STK32B: variants seen among roughly 807,000 people sequenced by gnomAD.
STK32B encodes the protein serine/threonine-protein kinase 32B.
STK32B carries 43 observed loss-of-function variants against 52.6 expected under a neutral mutation model. The observed-to-expected ratio is 0.82, with a 90% confidence interval of 0.64 to 1.05. The LOEUF is 1.05. Ranked by LOEUF, STK32B falls within the 50% of genes least tolerant of loss-of-function variation. STK32B has a pLI of 0.00. For missense variants in STK32B, 621 were observed against 534.6 expected, an observed-to-expected ratio of 1.16 and a Z score of -1.59; for synonymous variants, 238 against 204.3, an observed-to-expected ratio of 1.17 and a Z score of -1.41.
intron 4 of STK32B, among the ~76,000 whole-genome samples, chr4:5,359,534 C>A (rs1375634884): frequency 6.6e-6 from 1 of 152,140 alleles, no homozygotes; most frequent in Non-Finnish European, 1.5e-5. Context: ...TGGAGGGAGG[C>A]AAACAACAAA....
intron 2 of STK32B, among the ~76,000 whole-genome samples, chr4:5,154,074 C>T (rs1234266817): frequency 6.6e-6 from 1 of 151,792 alleles, no homozygotes; most frequent in Non-Finnish European, 1.5e-5. Context: ...GGTATATTAC[C>T]CAATATCAAG....
chr4:5,019,551 G>A, the STK32B span: 1 of 1,253,876 alleles, frequency 8.0e-7, no homozygotes, highest in Non-Finnish European at 1.0e-6. Flanking sequence ...CGCAGGCTGC[G>A]GTCCATCCAG....
intron 4 of STK32B, among the ~76,000 whole-genome samples, chr4:5,336,893 A>G (rs1314615611): frequency 6.6e-6 from 1 of 152,206 alleles, no homozygotes; most frequent in African/African-American, 2.4e-5. Flanking sequence ...TACCAAAACA[A>G]ATGTCAGATC....
intron 3 of STK32B, among the ~76,000 whole-genome samples, chr4:5,232,381 A>G (rs1349322097): frequency 6.6e-6 from 1 of 152,258 alleles, no homozygotes; most frequent in Admixed American, 6.5e-5. Context: ...TAATGAAAAT[A>G]TCTGCACTTT....
At chr4:5,295,013 C>T (rs947609201) in intron 3 of STK32B, among the ~76,000 whole-genome samples, 3 of 152,094 alleles carry the variant, frequency 2.0e-5, no homozygotes, top group African/African-American at 7.2e-5. Context: ...AAGGCCTTTT[C>T]TGCATCTATT....
chr4:5,327,632 C>G (rs1731964577), intron 3 of STK32B, among the ~76,000 whole-genome samples: 1 of 151,894 alleles, frequency 6.6e-6, no homozygotes, highest in African/African-American at 2.4e-5. Flanking sequence ...AACTGGTGTG[C>G]TGTCATCTGG....
intron 2 of STK32B, among the ~76,000 whole-genome samples, chr4:5,149,314 A>G (rs915835260): frequency 1.3e-5 from 2 of 151,738 alleles, no homozygotes; most frequent in African/African-American, 2.4e-5. Flanking sequence ...TTTTAGTTGT[A>G]TTGTTTAGTT....
At position 5,184,695 on chromosome 4, in the gene STK32B, A is replaced by AAAGAAG. The variant is rs746946013; in HGVS notation, c.260+16257_260+16262dup. On this transcript the variant is annotated intron_variant, in intron 3 of 11. Transcript: ENST00000282908. The stretch of plus-strand genomic sequence containing the variant: ...GAGCGAGACTGTCTCAAAAAAAAAA[A>AAAGAAG]AAGAAGAAGAAGAAGAAAAAGAAAA... Among the ~76,000 whole-genome samples, 63 of 137,402 alleles carry AAAGAAG rather than the reference A, an allele frequency of 4.6e-4. 1 individual carries two copies. The highest frequency in any genetic ancestry group is 3.7e-3 in the Middle Eastern group (1 of 272). 90.1% of individuals were successfully genotyped at this position (137,402 alleles called of 152,430 possible). A position where few individuals can be genotyped will look rare whatever the true frequency, so the allele number is the denominator to read the frequency against.
chr4:5,145,442 C>T (rs1355662840), intron 2 of STK32B, among the ~76,000 whole-genome samples: 2 of 152,098 alleles, frequency 1.3e-5, no homozygotes, highest in Admixed American at 6.5e-5. Flanking sequence ...ATCTGAGTAA[C>T]CTAAACCCAT....
chr4:5,147,615 TGTAA>T (rs769898715), intron 2 of STK32B, among the ~76,000 whole-genome samples: 26 of 152,032 alleles, frequency 1.7e-4, no homozygotes, highest in Non-Finnish European at 2.9e-4. Flanking sequence ...TGTAGTTTTC[TGTAA>T]GTGTTTATCA....
intron 4 of STK32B, among the ~76,000 whole-genome samples, chr4:5,336,767 G>C (rs2108963361): frequency 6.6e-6 from 1 of 152,192 alleles, no homozygotes; most frequent in South Asian, 2.1e-4. Context: ...AGAAAACATA[G>C]AGGAAGAAAT....
chr4:5,400,868 A>G lies in STK32B; in HGVS notation c.472+2624A>G, dbSNP rs570760728. 6.0e-4 allele frequency among the ~76,000 whole-genome samples: 91 copies of G among 152,264 alleles called. 1 individual carries two copies. In the South Asian group the frequency reaches 7.5e-3, roughly 12 times the overall value. On this transcript the variant is annotated intron_variant, in intron 5 of 11. Coordinates refer to ENST00000282908, the MANE Select transcript of STK32B (RefSeq NM_018401.3). This position sits in a 1 kb window ranked among gnomAD's most constrained non-coding sequence, Gnocchi z 6.1. ...AGTTCTGGTTAACAGAATGATGAAC[A>G]AGGCAAACAGGGTCCCAACGCTGAT...
At chr4:5,303,551 T>A (rs549178849) in intron 3 of STK32B, among the ~76,000 whole-genome samples, 2 of 152,160 alleles carry the variant, frequency 1.3e-5, no homozygotes, top group Non-Finnish European at 2.9e-5. Context: ...TCTTGCTGAT[T>A]TGTTTGAGTT....
chr4:5,348,662 A>G (rs1733630707), intron 4 of STK32B, among the ~76,000 whole-genome samples: 2 of 152,304 alleles, frequency 1.3e-5, no homozygotes, highest in Admixed American at 6.5e-5. Context: ...CACACTACTC[A>G]GTAACAGAGC....
chr4:5,074,840 TC>T (rs1447572382), intron 1 of STK32B, among the ~76,000 whole-genome samples: 1 of 152,194 alleles, frequency 6.6e-6, no homozygotes, highest in African/African-American at 2.4e-5. Flanking sequence ...ATATGTGGTT[TC>T]AGACTTTGTT....
At chr4:5,397,040 G>A (rs1337815443) in intron 4 of STK32B, among the ~76,000 whole-genome samples, 1 of 152,196 alleles carries the variant, frequency 6.6e-6, no homozygotes, top group Non-Finnish European at 1.5e-5. Flanking sequence ...AAATTTAAAT[G>A]TATAGGTTGA....
intron 3 of STK32B, among the ~76,000 whole-genome samples, chr4:5,329,124 G>T (rs1332392687): frequency 6.6e-6 from 1 of 152,202 alleles, no homozygotes; most frequent in Non-Finnish European, 1.5e-5. Flanking sequence ...GGGTGCCTCT[G>T]CCTAGAAAGG....
rs539813744 is a variant in STK32B at position 5,466,849 on chromosome 4, G to A, written c.1041+15G>A. ...GCTGCCCGCTGGTGAGTGCTTCGTG[G>A]GAGCCGTTCCGGGAGAGAAATCCTG... On this transcript the variant is annotated intron_variant, in intron 10 of 11. Coordinates refer to ENST00000282908, the MANE Select transcript of STK32B (RefSeq NM_018401.3). The A allele has an allele frequency of 4.9e-5, 79 of 1,610,002 alleles. 1 individual carries two copies. In the South Asian group the frequency reaches 8.1e-4, roughly 17 times the overall value.
chr4:5,246,495 T>C (rs2108825085), intron 3 of STK32B, among the ~76,000 whole-genome samples: 1 of 152,294 alleles, frequency 6.6e-6, no homozygotes, highest in Non-Finnish European at 1.5e-5. Flanking sequence ...TCAAAGTTTT[T>C]AACTTGTTTG....
Sources: allele counts gnomAD v4.1 joint callset (sites outside exome capture counted in the v4.1 genomes callset), GRCh38; gene constraint gnomAD v4.1.1; non-coding constraint Gnocchi (gnomAD v3.1); transcripts MANE v1.5; gene names NCBI Gene and HGNC (gene_info 2026-07-23, HGNC 2026-07-21).